SYCP1: variants seen among roughly 807,000 people sequenced by gnomAD.
SYCP1 encodes cancer/testis antigen 8.
A neutral mutation model predicts 153.1 loss-of-function variants in SYCP1; 64 were observed. The observed-to-expected ratio is 0.42, with a 90% confidence interval of 0.34 to 0.51. The LOEUF is 0.51. SYCP1 is among the 20% of genes least tolerant of loss of function. The pLI is 0.06. For missense variants in SYCP1, 997 were observed against 1,049.0 expected (o/e 0.95, Z 0.68); for synonymous variants, 384 against 341.8 (o/e 1.12, Z -1.36).
At chr1:114,945,117 G>C (rs1481487212) in intron 25 of SYCP1, 135 bp downstream of exon 25, 1 of 622,446 alleles carries the variant, frequency 1.6e-6, no homozygotes, top group Non-Finnish European at 2.6e-6. Flanking sequence ...TCTATAGCTA[G>C]AATACCCTTG....
intron 23 of SYCP1, among the ~76,000 whole-genome samples, chr1:114,940,576 A>G (rs1407881733): frequency 6.6e-6 from 1 of 152,038 alleles, no homozygotes; most frequent in Non-Finnish European, 1.5e-5. Flanking sequence ...ATTTAAGGGG[A>G]CATGTTGTGT....
chr1:114,981,444 A>T lies in SYCP1; in HGVS notation c.2491A>T (p.Ile831Leu). 2 of 1,610,424 alleles carry T rather than the reference A, an allele frequency of 1.2e-6. No individual in the cohort carries two copies. Among genetic ancestry groups the T allele is most frequent in the Non-Finnish European group, 1.7e-6 (2 of 1,178,604 alleles). The change falls in exon 29 of 32, where the codon ATA becomes TTA. Residue 831 changes from isoleucine to leucine, a missense_variant. Physicochemically the swap from Ile to Leu is conservative, Grantham distance 5. Coordinates refer to ENST00000369522, the MANE Select transcript of SYCP1 (RefSeq NM_003176.4). The stretch of plus-strand genomic sequence containing the variant: ...AAATTTCACATCAGTTGATCATGGC[A>T]TATCCAAAGATAAAAGAGACTATCT... ...SRNFTSVDHG[I>L]SKDKRDYLWT...
intron 12 of SYCP1, among the ~76,000 whole-genome samples, chr1:114,880,116 C>A (rs1188953509): frequency 2.0e-5 from 3 of 152,090 alleles, no homozygotes; most frequent in Non-Finnish European, 2.9e-5. Context: ...TGGTAAAATA[C>A]TTGTAACATA....
At chr1:114,857,873 T>C (rs1052869368) in intron 5 of SYCP1, among the ~76,000 whole-genome samples, 6 of 152,108 alleles carry the variant, frequency 3.9e-5, no homozygotes, top group African/African-American at 1.4e-4. Flanking sequence ...AAAATATTTC[T>C]TATTTATGGC....
chr1:114,890,124 T>A (rs1255531174), intron 15 of SYCP1, among the ~76,000 whole-genome samples: 2 of 152,172 alleles, frequency 1.3e-5, no homozygotes, highest in East Asian at 3.9e-4. Context: ...TGTGTGTTTT[T>A]TAGCATTGCC....
intron 27 of SYCP1, among the ~76,000 whole-genome samples, chr1:114,973,687 G>C (rs193235608): frequency 3.3e-4 from 50 of 151,854 alleles, no homozygotes; most frequent in Non-Finnish European, 6.0e-4. Context: ...AACTACTTTT[G>C]TTTCTTTCCT....
intron 8 of SYCP1, among the ~76,000 whole-genome samples, chr1:114,864,642 C>T (rs1361949649): frequency 6.6e-6 from 1 of 151,994 alleles, no homozygotes; most frequent in African/African-American, 2.4e-5. Flanking sequence ...CTGCACACCA[C>T]CAGGGCTGTC....
At chr1:114,894,880 C>G (rs1370609930) in intron 15 of SYCP1, among the ~76,000 whole-genome samples, 2 of 151,934 alleles carry the variant, frequency 1.3e-5, no homozygotes, top group Non-Finnish European at 2.9e-5. Flanking sequence ...GAAAAACAAA[C>G]TAAGAAATTT....
chr1:114,856,299 A>G (rs1663935792), intron 2 of SYCP1, among the ~76,000 whole-genome samples: 1 of 152,178 alleles, frequency 6.6e-6, no homozygotes. Context: ...CTATACTACT[A>G]GTTAGATTTA....
chr1:114,961,428 C>T (rs113446269), intron 27 of SYCP1, among the ~76,000 whole-genome samples: 5,552 of 152,060 alleles, frequency 0.037, 127 homozygotes, highest in African/African-American at 0.053. Flanking sequence ...GAGATGTGAC[C>T]TTAGATTGTC....
At chr1:114,950,725 A>G (rs1671042839) in intron 27 of SYCP1, among the ~76,000 whole-genome samples, 2 of 152,290 alleles carry the variant, frequency 1.3e-5, no homozygotes, top group South Asian at 4.1e-4. Flanking sequence ...ATGAGGACAT[A>G]AAATGAAGGT....
rs937701526 is a variant in SYCP1, at chr1:114,888,788, T to C, written c.1258+1095T>C. Among the ~76,000 whole-genome samples the C allele has an allele frequency of 1.5e-4, 23 of 152,060 alleles. 1 individual carries two copies. Among genetic ancestry groups the C allele is most frequent in the East Asian group, 1.4e-3 (7 of 5,178 alleles). On this transcript the variant is annotated intron_variant, in intron 15 of 31. Coordinates refer to ENST00000369522, the MANE Select transcript of SYCP1 (RefSeq NM_003176.4). ...GTTATATAGGTATACATGTGCCACA[T>C]TGGTTTGCTGCACCCCTCAACTTGT...
At chr1:114,967,110 A>G (rs1353132724) in intron 27 of SYCP1, among the ~76,000 whole-genome samples, 3 of 152,218 alleles carry the variant, frequency 2.0e-5, no homozygotes, top group Admixed American at 6.5e-5. Flanking sequence ...GTTCAATTTT[A>G]GAATAAGTGC....
chr1:114,915,602 A>G (rs962990649), intron 20 of SYCP1, among the ~76,000 whole-genome samples: 8 of 152,228 alleles, frequency 5.3e-5, no homozygotes, highest in Non-Finnish European at 7.3e-5. Context: ...TTCTGGTCAC[A>G]CATTCATTCC....
chr1:114,951,250 C>T (rs1193343788), intron 27 of SYCP1, among the ~76,000 whole-genome samples: 2 of 152,144 alleles, frequency 1.3e-5, no homozygotes, highest in South Asian at 2.1e-4. Flanking sequence ...TGTATCACTT[C>T]ATATGGCTCC....
intron 14 of SYCP1, among the ~76,000 whole-genome samples, chr1:114,887,215 T>C (rs1666373740): frequency 6.6e-6 from 1 of 152,128 alleles, no homozygotes; most frequent in Admixed American, 6.6e-5. Context: ...TTTTATACTT[T>C]GAGGAAACAG....
intron 8 of SYCP1, among the ~76,000 whole-genome samples, chr1:114,871,902 A>G (rs1156645307): frequency 1.3e-5 from 2 of 151,224 alleles, no homozygotes; most frequent in East Asian, 3.9e-4. Flanking sequence ...TGGTATTACT[A>G]TTTTTGACAA....
intron 27 of SYCP1, 143 bp from the exon 28 acceptor site, chr1:114,977,414 C>CT (rs1329749917): frequency 6.7e-5 from 34 of 508,574 alleles, no homozygotes; most frequent in Non-Finnish European, 8.3e-5. Context: ...ACTAACTTTT[C>CT]TTTTTTTTCT....
intron 23 of SYCP1, among the ~76,000 whole-genome samples, chr1:114,940,507 G>GAT (rs1397968214): frequency 6.6e-6 from 1 of 152,116 alleles, no homozygotes; most frequent in Admixed American, 6.6e-5. Flanking sequence ...TATAGGTTTT[G>GAT]ATATATAGTA....
Sources: gnomAD v4.1 joint callset for allele counts (sites outside exome capture counted in the v4.1 genomes callset) on GRCh38, gnomAD v4.1.1 for gene constraint, MANE v1.5 for transcripts, NCBI Gene and HGNC (gene_info 2026-07-23, HGNC 2026-07-21) for gene names.